TLK1: variants seen among roughly 807,000 people sequenced by gnomAD.
TLK1 encodes serine/threonine-protein kinase tousled-like 1.
Under a neutral mutation model 105.3 loss-of-function variants are expected in TLK1, and 24 were observed. The ratio of observed to expected loss-of-function variants is 0.23; its 90% CI spans 0.17 to 0.32. TLK1 has a LOEUF of 0.32. Ranked by LOEUF, TLK1 falls within the 10% of genes least tolerant of loss-of-function variation. TLK1 has a pLI of 1.00. For synonymous variants in TLK1, 321 were observed against 310.4 expected (o/e 1.03, Z -0.36); for missense variants, 558 against 910.5 (o/e 0.61, Z 4.98).
intron 1 of TLK1, among the ~76,000 whole-genome samples, chr2:171,142,752 T>C (rs1691632968): frequency 1.3e-5 from 2 of 152,228 alleles, no homozygotes; most frequent in African/African-American, 2.4e-5. Flanking sequence ...ACAAACTTGA[T>C]AGAACATATT....
chr2:171,228,488 C>G (rs751536482), intron 1 of TLK1, among the ~76,000 whole-genome samples: 1 of 152,054 alleles, frequency 6.6e-6, no homozygotes, highest in Non-Finnish European at 1.5e-5. Flanking sequence ...GAGTTCGAGG[C>G]TGCAGTGAGC....
chr2:171,088,775 G>T (rs1218541339), intron 2 of TLK1, among the ~76,000 whole-genome samples: 1 of 152,172 alleles, frequency 6.6e-6, no homozygotes, highest in East Asian at 1.9e-4. Context: ...AAAGTGGGAG[G>T]AGGAAAATAT....
chr2:171,058,571 T>C (rs1483409877), intron 4 of TLK1, among the ~76,000 whole-genome samples: 1 of 152,168 alleles, frequency 6.6e-6, no homozygotes, highest in East Asian at 1.9e-4. Context: ...CACACTTCAA[T>C]AGGAATGTTA....
At position 171,006,659 on chromosome 2, in the gene TLK1, G is replaced by GA; in HGVS notation, c.1599-17dup. 1 of 1,611,380 alleles carries GA rather than the reference G, an allele frequency of 6.2e-7. No homozygotes were observed. Among genetic ancestry groups the GA allele is most frequent in the Non-Finnish European group, 8.5e-7 (1 of 1,179,544 alleles). On this transcript the variant is annotated splice_polypyrimidine_tract_variant and intron_variant, in intron 16 of 20. Coordinates refer to ENST00000431350, the MANE Select transcript of TLK1 (RefSeq NM_012290.5). The stretch of plus-strand genomic sequence containing the variant: ...TGTACAAAACCTACAACAGAGAAGA[G>GA]AAAAAAATTAGACATAAGTAATATC...
rs1692408192 is a variant in TLK1 at position 171,160,164 on chromosome 2, C to G, written c.139+126G>C. 1.1e-5 allele frequency: 12 copies of G among 1,110,814 alleles called. No homozygotes were observed. The highest frequency in any genetic ancestry group is 1.4e-5 in the Non-Finnish European group (12 of 870,690). 68.8% of individuals were successfully genotyped at this position (1,110,814 alleles called of 1,614,324 possible). On this transcript the variant is annotated intron_variant, in intron 1 of 20. Transcript: ENST00000431350. The surrounding 1 kb of genome is among the most constrained non-coding windows in gnomAD (Gnocchi z 4.4). ...GAGCCGGGCGGCCTCGCGTCCACCTCGCCACCATCCCCCACCCCAGGGTCT... is the reference window on the plus strand; with the variant it reads ...GAGCCGGGCGGCCTCGCGTCCACCTGGCCACCATCCCCCACCCCAGGGTCT...
chr2:171,125,469 TAATA>T (rs1690829728), intron 1 of TLK1, among the ~76,000 whole-genome samples: 1 of 152,158 alleles, frequency 6.6e-6, no homozygotes, highest in Admixed American at 6.5e-5. Context: ...TACACAGTGG[TAATA>T]AATAAACAAA....
rs918296031 is a variant in TLK1 at position 170,991,021 on chromosome 2, AT to A, written c.*2758del. 5.4e-4 allele frequency: 82 copies of A among 151,536 alleles called. 1 individual carries two copies. The highest frequency in any genetic ancestry group is 1.8e-3 in the African/African-American group (73 of 41,332). The allele number at this position is 151,536 out of a possible 1,614,324, so 9.4% of individuals were successfully genotyped here. ...GTGAGTGTTTAAAAAAAAAAAAAAG[AT>A]TGAGTCTTTATTTTTGAAAAACCAC... On this transcript the variant is annotated 3_prime_UTR_variant, in exon 21 of 21. Coordinates refer to ENST00000431350, the MANE Select transcript of TLK1 (RefSeq NM_012290.5).
chr2:171,117,924 A>G, intron 1 of TLK1, 67 bp from the exon 2 acceptor site: 1 of 1,057,322 alleles, frequency 9.5e-7, no homozygotes, highest in Non-Finnish European at 1.4e-6. Flanking sequence ...TACACACACA[A>G]ATATATATAT....
intron 1 of TLK1, among the ~76,000 whole-genome samples, chr2:171,178,167 C>T (rs1461275436): frequency 3.3e-5 from 5 of 152,060 alleles, no homozygotes; most frequent in African/African-American, 9.7e-5. Context: ...CTAATATGCT[C>T]CTGTCAATAA....
At chr2:171,151,765 G>A (rs879610462) in intron 1 of TLK1, among the ~76,000 whole-genome samples, 2 of 152,064 alleles carry the variant, frequency 1.3e-5, no homozygotes, top group East Asian at 3.8e-4. Context: ...GTGAGCCACC[G>A]CGCCCAGCCA....
chr2:171,189,642 A>G (rs757024799), intron 1 of TLK1, among the ~76,000 whole-genome samples: 5 of 152,230 alleles, frequency 3.3e-5, no homozygotes, highest in Non-Finnish European at 7.3e-5. Flanking sequence ...AAGCATTTCA[A>G]TTTGTGATTG....
At chr2:171,129,146 A>G (rs1361432587) in intron 1 of TLK1, among the ~76,000 whole-genome samples, 3 of 152,240 alleles carry the variant, frequency 2.0e-5, no homozygotes, top group African/African-American at 7.2e-5. Flanking sequence ...GTAGACTGGT[A>G]TCTTGTCTCT....
chr2:171,196,901 T>C (rs531091314), intron 1 of TLK1, among the ~76,000 whole-genome samples: 1 of 152,364 alleles, frequency 6.6e-6, no homozygotes, highest in East Asian at 1.9e-4. Context: ...GGTTATTTTA[T>C]GTTTTGCTTT....
chr2:171,059,923 C>A, intron 4 of TLK1: 1 of 1,449,498 alleles, frequency 6.9e-7, no homozygotes, highest in Non-Finnish European at 9.7e-7. Context: ...CCGCTGCTCA[C>A]CTCCTGCTGT....
intron 14 of TLK1, among the ~76,000 whole-genome samples, chr2:171,007,622 A>G (rs1352485295): frequency 6.6e-6 from 1 of 152,036 alleles, no homozygotes; most frequent in Non-Finnish European, 1.5e-5. Context: ...AGTTTCAAAA[A>G]TTACCAATAT....
intron 1 of TLK1, among the ~76,000 whole-genome samples, chr2:171,223,940 A>G (rs937232848): frequency 6.6e-6 from 1 of 151,776 alleles, no homozygotes; most frequent in African/African-American, 2.4e-5. Flanking sequence ...GCTGTCCAAA[A>G]GCTTTTTAGT....
At chr2:171,146,130 G>A (rs927643219) in intron 1 of TLK1, among the ~76,000 whole-genome samples, 2 of 152,106 alleles carry the variant, frequency 1.3e-5, no homozygotes, top group African/African-American at 4.8e-5. Context: ...TTGAACTTCA[G>A]AAAGCAGTAA....
Position 170,996,639 on chromosome 2 carries a change from CA to C in TLK1, c.2124+13del, listed in dbSNP as rs1042841965. On this transcript the variant is annotated intron_variant, in intron 20 of 20. Transcript: ENST00000431350. ...AAAGTTACTTCACAAAACTCATTTA[CA>C]AAAATTTAATACCTTGGCTTCACTG... is the stretch of plus-strand genomic sequence containing the variant. The C allele has an allele frequency of 1.6e-5, 25 of 1,600,346 alleles. No individual in the cohort carries two copies. The highest frequency in any genetic ancestry group is 2.1e-5 in the Non-Finnish European group (25 of 1,174,528).
intron 1 of TLK1, among the ~76,000 whole-genome samples, chr2:171,130,529 AT>A (rs35106991): frequency 0.4 from 61,233 of 151,982 alleles, 14,082 homozygotes; most frequent in African/African-American, 0.61. Flanking sequence ...CCTGGACCAT[AT>A]TAGCCTAAAT....
Sources: allele counts gnomAD v4.1 joint callset (sites outside exome capture counted in the v4.1 genomes callset), GRCh38; gene constraint gnomAD v4.1.1; non-coding constraint Gnocchi (gnomAD v3.1); transcripts MANE v1.5; gene names NCBI Gene and HGNC (gene_info 2026-07-23, HGNC 2026-07-21).